SLC18A1: variants seen among roughly 807,000 people sequenced by gnomAD.
SLC18A1 encodes the protein chromaffin granule amine transporter.
Under a neutral mutation model 53.7 loss-of-function variants are expected in SLC18A1, and 69 were observed. That is an observed-to-expected ratio of 1.28 (90% CI 1.06 to 1.57). The LOEUF (loss-of-function observed/expected upper bound fraction) is 1.57, where lower values mean the gene tolerates loss of function less well. SLC18A1 is among the 40% of genes most tolerant of loss of function. The probability of loss-of-function intolerance (pLI) is 0.00; values close to 1 mark genes in which losing one functional copy is unlikely to be tolerated. For missense variants in SLC18A1, 932 were observed against 668.1 expected, an observed-to-expected ratio of 1.40 and a Z score of -4.35; for synonymous variants, 320 against 248.1, an observed-to-expected ratio of 1.29 and a Z score of -2.72.
rs745919058 is a variant in SLC18A1 at position 20,150,712 on chromosome 8, G to T, written c.1048C>A (p.Leu350Ile). 6.2e-7 allele frequency: 1 copy of T among 1,614,166 alleles called. No individual in the cohort carries two copies. Among genetic ancestry groups the T allele is most frequent in the Non-Finnish European group, 8.5e-7 (1 of 1,180,016 alleles). ...ACACCAAAGAGGTTGGTGCCAATGA[G>T]GTAGGACACACTGGCAGGCAAGAAA... ...LAFLPASVSY[L>I]IGTNLFGVLA... Residue 350 changes from leucine to isoleucine, a missense_variant, in exon 11 of 16, where the codon CTC becomes ATC. Transcript: ENST00000276373.
At chr8:20,153,151 G>A (rs2071600654) in intron 10 of SLC18A1, among the ~76,000 whole-genome samples, 2 of 152,140 alleles carry the variant, frequency 1.3e-5, no homozygotes, top group South Asian at 4.1e-4. Context: ...AAGATTGTTG[G>A]ACAATGTGAA....
intron 6 of SLC18A1, 75 bp from the exon 7 acceptor site, chr8:20,171,569 C>T: frequency 8.2e-7 from 1 of 1,220,750 alleles, no homozygotes; most frequent in Non-Finnish European, 1.2e-6. Flanking sequence ...CATATTTACC[C>T]CGTGAGCATT....
At chr8:20,180,795 G>T in intron 2 of SLC18A1, 46 bp downstream of exon 2, 1 of 1,609,306 alleles carries the variant, frequency 6.2e-7, no homozygotes, top group Non-Finnish European at 8.5e-7. Flanking sequence ...CTGCCTGCTG[G>T]GGCCCACAGC....
In SLC18A1 at chr8:20,173,165, G is replaced by A. The variant is rs112167093; in HGVS notation, c.632-37C>T. The A allele has an allele frequency of 1.8e-5, 27 of 1,505,480 alleles. No individual in the cohort carries two copies. The African/African-American group carries it at 3.3e-4, about 19-fold the overall frequency. 93.3% of individuals were successfully genotyped at this position (1,505,480 alleles called of 1,614,324 possible). On this transcript the variant is annotated intron_variant, in intron 5 of 15. Coordinates refer to ENST00000276373, the MANE Select transcript of SLC18A1 (RefSeq NM_003053.4). ...GTTACAGATGCAGCTGGCCCCCTGG[G>A]GGGCTTCTATCCGCCTCTCAGAGCC...
rs112531759 is a variant in SLC18A1 at position 20,180,108 on chromosome 8, TTGTGTG to T, written c.125-630_125-625del. On this transcript the variant is annotated intron_variant, in intron 2 of 15. Transcript: ENST00000276373. ...CGATGTTTAAGATTTAAGATTATAA[TTGTGTG>T]TGTGTGTGTGTGTGTGTGTGTGTGT... Among the ~76,000 whole-genome samples the T allele has an allele frequency of 8.7e-4, 127 of 146,188 alleles. 2 individuals carry two copies. The South Asian group carries it at 0.013, about 15-fold the overall frequency.
chr8:20,167,917 G>T (rs373984554), intron 8 of SLC18A1, among the ~76,000 whole-genome samples: 1 of 151,900 alleles, frequency 6.6e-6, no homozygotes, highest in Non-Finnish European at 1.5e-5. Flanking sequence ...CACCGTGCCC[G>T]GCCCCATAGT....
At chr8:20,155,558 C>A (rs2071662750) in intron 10 of SLC18A1, among the ~76,000 whole-genome samples, 1 of 152,190 alleles carries the variant, frequency 6.6e-6, no homozygotes. Flanking sequence ...ATGATGCAAC[C>A]AGAAGTCTCT....
At chr8:20,157,779 C>T (rs1431806799) in intron 10 of SLC18A1, among the ~76,000 whole-genome samples, 1 of 152,088 alleles carries the variant, frequency 6.6e-6, no homozygotes, top group African/African-American at 2.4e-5. Context: ...TAATAGAGAT[C>T]AGGAGGAGCA....
At chr8:20,174,122 G>A (rs1360521997) in intron 5 of SLC18A1, among the ~76,000 whole-genome samples, 2 of 151,808 alleles carry the variant, frequency 1.3e-5, no homozygotes. Flanking sequence ...CAGGCTGCCC[G>A]GGTTGGTCTC....
intron 10 of SLC18A1, among the ~76,000 whole-genome samples, chr8:20,161,570 C>T (rs994033004): frequency 6.6e-6 from 1 of 152,008 alleles, no homozygotes; most frequent in African/African-American, 2.4e-5. Flanking sequence ...CGTGAGGAGT[C>T]CTAGAACCAC....
At chr8:20,178,151 C>CA (rs3043842) in intron 4 of SLC18A1, among the ~76,000 whole-genome samples, 16 of 146,220 alleles carry the variant, frequency 1.1e-4, no homozygotes, top group Non-Finnish European at 1.8e-4. Flanking sequence ...CACACACACA[C>CA]CCCGTAGCAT....
At chr8:20,156,944 A>C (rs2071698025) in intron 10 of SLC18A1, among the ~76,000 whole-genome samples, 1 of 152,172 alleles carries the variant, frequency 6.6e-6, no homozygotes, top group Admixed American at 6.5e-5. Context: ...CCTGATCGCA[A>C]AGGCAATGTT....
In SLC18A1 at chr8:20,145,878, T is replaced by C. The variant is rs1284974836; in HGVS notation, c.1465-2A>G. ...GGGGCAGTCCTGACTCAGAATAGCC[T>C]GCAGAGAGAGGCAAGAAGAGAAGCC... On this transcript the variant is annotated splice_acceptor_variant, in intron 15 of 15. Coordinates refer to ENST00000276373, the MANE Select transcript of SLC18A1 (RefSeq NM_003053.4). LOFTEE classifies it high-confidence loss of function. 2 of 1,575,184 alleles carry C rather than the reference T, an allele frequency of 1.3e-6. No individual in the cohort carries two copies. The highest frequency in any genetic ancestry group is 1.2e-5 in the South Asian group (1 of 86,242).
intron 8 of SLC18A1, among the ~76,000 whole-genome samples, chr8:20,169,201 C>T (rs546648630): frequency 2.0e-5 from 3 of 151,916 alleles, no homozygotes; most frequent in African/African-American, 7.2e-5. Flanking sequence ...TTAGGAATAC[C>T]CTATAGATAA....
intron 10 of SLC18A1, 42 bp downstream of exon 10, chr8:20,164,824 ACCT>A (rs758734675): frequency 2.7e-6 from 4 of 1,472,186 alleles, no homozygotes; most frequent in Non-Finnish European, 3.7e-6. Context: ...CATGGCACCC[ACCT>A]CCTCCTGCCA....
At chr8:20,171,266 C>A in intron 7 of SLC18A1, 120 bp from the exon 8 acceptor site, 1 of 1,357,136 alleles carries the variant, frequency 7.4e-7, no homozygotes, top group South Asian at 1.2e-5. Context: ...TTTCTTCTTT[C>A]TTTTCTACAA....
intron 10 of SLC18A1, among the ~76,000 whole-genome samples, chr8:20,161,122 C>T (rs919372165): frequency 2.6e-5 from 4 of 152,178 alleles, no homozygotes; most frequent in African/African-American, 9.7e-5. Flanking sequence ...TGCATTCAAT[C>T]CATCCCAATA....
chr8:20,164,691 C>T (rs2071909856), intron 10 of SLC18A1, among the ~76,000 whole-genome samples, 178 bp downstream of exon 10: 1 of 152,186 alleles, frequency 6.6e-6, no homozygotes, highest in Non-Finnish European at 1.5e-5. Context: ...TCACCCTCCC[C>T]TTTCTCAGAC....
chr8:20,148,577 G>C (rs758338531), intron 12 of SLC18A1: 17 of 768,016 alleles, frequency 2.2e-5, no homozygotes, highest in Non-Finnish European at 3.3e-5. Context: ...AGCTAGAGGG[G>C]GCAGGTGGTG....
Sources: gnomAD v4.1 joint callset for allele counts (sites outside exome capture counted in the v4.1 genomes callset) on GRCh38, gnomAD v4.1.1 for gene constraint, MANE v1.5 for transcripts, NCBI Gene and HGNC (gene_info 2026-07-23, HGNC 2026-07-21) for gene names.